The following ESF1 variants were observed in gnomAD, a reference collection of about 807,000 sequenced individuals.
The protein encoded by ESF1 is ESF1 nucleolar pre-rRNA processing protein.
In ESF1, 58 loss-of-function variants were observed where a neutral mutation model predicts 92.0. The ratio of observed to expected loss-of-function variants is 0.63; its 90% confidence interval spans 0.51 to 0.78. The LOEUF (loss-of-function observed/expected upper bound fraction) is 0.78, where lower values mean the gene tolerates loss of function less well. Among genes scored for constraint, ESF1 ranks in the 30% least tolerant of loss-of-function variants. The probability of loss-of-function intolerance (pLI) is 0.00; values close to 1 mark genes in which losing one functional copy is unlikely to be tolerated. For synonymous variants in ESF1, 321 were observed against 313.7 expected, an observed-to-expected ratio of 1.02 and a Z score of -0.24; for missense variants, 922 against 989.1, an observed-to-expected ratio of 0.93 and a Z score of 0.91.
intron 9 of ESF1, among the ~76,000 whole-genome samples, chr20:13,759,101 G>C (rs1979036283): frequency 6.6e-6 from 1 of 152,018 alleles, no homozygotes; most frequent in Non-Finnish European, 1.5e-5. Context: ...TACTATACTG[G>C]GTAACAAACT....
chr20:13,784,882 T>A lies in ESF1; in HGVS notation c.-46A>T, dbSNP rs1980614198. The A allele has an allele frequency of 1.6e-6, 1 of 610,224 alleles. No individual in the cohort carries two copies. Among genetic ancestry groups the A allele is most frequent in the South Asian group, 2.0e-5 (1 of 50,858 alleles). 37.8% of individuals were successfully genotyped at this position (610,224 alleles called of 1,614,324 possible). A position where few individuals can be genotyped will look rare whatever the true frequency, so the allele number is the denominator to read the frequency against. On this transcript the variant is annotated splice_region_variant and 5_prime_UTR_variant, in exon 1 of 14. Transcript: ENST00000617257. The stretch of plus-strand genomic sequence containing the variant: ...AACTCCAGTCCATCCCCACTCACCG[T>A]CCGCAGTCCTACCAAGCCTCACGTG...
At chr20:13,770,602 C>A (rs769380134) in intron 6 of ESF1, among the ~76,000 whole-genome samples, 13 of 152,220 alleles carry the variant, frequency 8.5e-5, no homozygotes, top group Non-Finnish European at 1.8e-4. Context: ...CCTGCCTAGG[C>A]CTCCCAAAGT....
At chr20:13,778,999 T>C (rs1294627486) in intron 2 of ESF1, among the ~76,000 whole-genome samples, 2 of 152,032 alleles carry the variant, frequency 1.3e-5, no homozygotes, top group African/African-American at 4.8e-5. Context: ...TGAGCTGTGA[T>C]TGCACCACTG....
At chr20:13,735,836 A>T (rs747409258) in intron 9 of ESF1, among the ~76,000 whole-genome samples, 1 of 152,052 alleles carries the variant, frequency 6.6e-6, no homozygotes, top group Non-Finnish European at 1.5e-5. Flanking sequence ...GATGCTAAGG[A>T]GGGTTCTATG....
rs144992077 is a variant in ESF1, at chr20:13,718,968, C to T, written c.2055G>A (p.Ser685=). ...ATGTGCCATCTTTTGCAGATTTTAC[C>T]GATTTTTTATTTATACCTGGCACAA... ...EVKQIGINKK[S]VKSAKDGTSP... Residue 685 remains serine (S), a synonymous_variant, in exon 12 of 14, where the codon TCG becomes TCA. Transcript: ENST00000617257. 25 of 1,601,866 alleles carry T rather than the reference C, an allele frequency of 1.6e-5. No individual in the cohort carries two copies. The African/African-American group carries it at 1.7e-4, about 11-fold the overall frequency.
intron 10 of ESF1, among the ~76,000 whole-genome samples, chr20:13,731,414 C>T (rs892917749): frequency 4.0e-5 from 6 of 151,636 alleles, no homozygotes; most frequent in African/African-American, 4.8e-5. Flanking sequence ...CGCCTGTAGT[C>T]CCAGCTACTC....
chr20:13,776,198 T>A lies in ESF1; in HGVS notation c.710A>T (p.Asp237Val), dbSNP rs1227411511. ...GCTTTCTGAATCTTCCTCCAGAGCA[T>A]CTTTGTCACACATTTCACCATCTGT... is the stretch of plus-strand genomic sequence containing the variant. ...NSTDGEMCDK[D>V]ALEEDSESVS... Residue 237 changes from aspartate to valine, a missense_variant, in exon 3 of 14, where the codon GAT becomes GTT. Coordinates refer to ENST00000617257, the MANE Select transcript of ESF1 (RefSeq NM_001276380.2). 3 of 1,613,928 alleles carry A rather than the reference T, an allele frequency of 1.9e-6. No individual in the cohort carries two copies. The highest frequency in any genetic ancestry group is 1.7e-6 in the Non-Finnish European group (2 of 1,179,922).
At chr20:13,771,953 G>T (rs1600292776) in intron 5 of ESF1, among the ~76,000 whole-genome samples, 3 of 135,662 alleles carry the variant, frequency 2.2e-5, no homozygotes, top group African/African-American at 5.5e-5. Context: ...ACAAAGCACT[G>T]ATACAACTCT....
At chr20:13,750,292 G>A (rs937744797) in intron 9 of ESF1, among the ~76,000 whole-genome samples, 18 of 152,322 alleles carry the variant, frequency 1.2e-4, no homozygotes, top group Admixed American at 4.6e-4. Flanking sequence ...ATCGCCTGAA[G>A]TCAGGAGTTC....
chr20:13,775,781 G>C, intron 3 of ESF1, 92 bp downstream of exon 3: 1 of 1,423,458 alleles, frequency 7.0e-7, no homozygotes, highest in Non-Finnish European at 9.4e-7. Flanking sequence ...TTACCAATAA[G>C]CTTTTCCCAC....
intron 2 of ESF1, among the ~76,000 whole-genome samples, chr20:13,780,614 T>C (rs1053885625): frequency 3.1e-5 from 4 of 130,906 alleles, no homozygotes; most frequent in Non-Finnish European, 7.1e-5. Flanking sequence ...CCTCTTGGCC[T>C]ATCAAAACCT....
At chr20:13,734,549 G>A (rs559740311) in intron 9 of ESF1, among the ~76,000 whole-genome samples, 5 of 152,040 alleles carry the variant, frequency 3.3e-5, no homozygotes, top group South Asian at 2.1e-4. Flanking sequence ...CCCGATTCAC[G>A]TTTCTAGGTA....
Position 13,716,603 on chromosome 20 carries a change from T to G in ESF1, c.2262+765A>C, listed in dbSNP as rs534277639. 1.6e-4 allele frequency among the ~76,000 whole-genome samples: 24 copies of G among 151,836 alleles called. No homozygotes were observed. The South Asian group carries it at 4.8e-3, about 30-fold the overall frequency. On this transcript the variant is annotated intron_variant, in intron 13 of 13. Transcript: ENST00000617257. ...GGATTAAAAGACAGTAGCCTTTGGCTCCACCATCAGTCTTTCTGAAGACAT... is the reference window on the plus strand; with the variant it reads ...GGATTAAAAGACAGTAGCCTTTGGCGCCACCATCAGTCTTTCTGAAGACAT...
intron 9 of ESF1, among the ~76,000 whole-genome samples, chr20:13,757,158 A>G (rs1190114971): frequency 1.3e-5 from 2 of 152,206 alleles, no homozygotes; most frequent in Non-Finnish European, 2.9e-5. Context: ...TAAGGTCAAC[A>G]TTACCCTAAT....
intron 11 of ESF1, among the ~76,000 whole-genome samples, chr20:13,723,752 A>T (rs2049883413): frequency 6.6e-6 from 1 of 152,188 alleles, no homozygotes; most frequent in African/African-American, 2.4e-5. Context: ...CATCTGGTTT[A>T]CAATGTTTTT....
intron 9 of ESF1, among the ~76,000 whole-genome samples, chr20:13,751,397 T>G (rs1339317471): frequency 6.6e-6 from 1 of 152,172 alleles, no homozygotes; most frequent in Non-Finnish European, 1.5e-5. Context: ...TGTGGCAGAT[T>G]GCAAGTTTAA....
chr20:13,748,208 ATC>A (rs1403376645), intron 9 of ESF1, among the ~76,000 whole-genome samples: 10 of 152,012 alleles, frequency 6.6e-5, no homozygotes, highest in Admixed American at 6.6e-4. Context: ...TCTACAAAAA[ATC>A]TGTGACAGTT....
rs2049893441 is a variant in ESF1 at position 13,725,201 on chromosome 20, A to T, written c.2038+3177T>A. Among the ~76,000 whole-genome samples the T allele has an allele frequency of 2.6e-5, 4 of 152,236 alleles. No individual in the cohort carries two copies. In the South Asian group the frequency reaches 8.3e-4, roughly 31 times the overall value. ...TGCTTCTGCAAGTGAATGAACAAACAGTATAAATCCATAAACCAATCAGGT... is the reference window on the plus strand; with the variant it reads ...TGCTTCTGCAAGTGAATGAACAAACTGTATAAATCCATAAACCAATCAGGT... On this transcript the variant is annotated intron_variant, in intron 11 of 13. Transcript: ENST00000617257.
chr20:13,748,564 ATGTGTGTG>A (rs71188183), intron 9 of ESF1, among the ~76,000 whole-genome samples: 59,274 of 119,282 alleles, frequency 0.5, 13,954 homozygotes, highest in Middle Eastern at 0.61. Context: ...ATATATATAT[ATGTGTGTG>A]TGTATATATA....
Sources: allele counts gnomAD v4.1 joint callset (sites outside exome capture counted in the v4.1 genomes callset), GRCh38; gene constraint gnomAD v4.1.1; transcripts MANE v1.5; gene names NCBI Gene and HGNC (gene_info 2026-07-23, HGNC 2026-07-21).